Variants in UTRN observed in about 807,000 individuals in gnomAD.
UTRN encodes dystrophin-related protein 1.
A neutral mutation model predicts 463.9 loss-of-function variants in UTRN; 283 were observed. That is an observed-to-expected ratio of 0.61 (90% CI 0.55 to 0.67). The LOEUF (loss-of-function observed/expected upper bound fraction) is 0.67, where lower values mean the gene tolerates loss of function less well. UTRN is among the 30% of genes least tolerant of loss of function. UTRN has a pLI of 0.00. For synonymous variants in UTRN, 1,442 were observed against 1,431.5 expected, an observed-to-expected ratio of 1.01 and a Z score of -0.17; for missense variants, 3,922 against 4,084.3, an observed-to-expected ratio of 0.96 and a Z score of 1.08.
chr6:144,640,481 A>G (rs1777655741), intron 51 of UTRN, among the ~76,000 whole-genome samples: 1 of 152,184 alleles, frequency 6.6e-6, no homozygotes, highest in Non-Finnish European at 1.5e-5. Context: ...TTCAATTTAT[A>G]TATTTCTGTA....
intron 25 of UTRN, among the ~76,000 whole-genome samples, chr6:144,477,265 T>C (rs1022826816): frequency 1.3e-5 from 2 of 152,182 alleles, no homozygotes; most frequent in Non-Finnish European, 2.9e-5. Context: ...TAGAAGTCAA[T>C]ATGAAATATA....
chr6:144,768,948 G>GTTTTTTT (rs35525101), intron 58 of UTRN, among the ~76,000 whole-genome samples: 46 of 125,978 alleles, frequency 3.7e-4, no homozygotes, highest in Admixed American at 6.0e-4. Flanking sequence ...TTTGTTTTTT[G>GTTTTTTT]TTTTGTTTTG....
At chr6:144,319,770 A>G (rs1049837333) in intron 2 of UTRN, among the ~76,000 whole-genome samples, 4 of 151,436 alleles carry the variant, frequency 2.6e-5, no homozygotes, top group Non-Finnish European at 5.9e-5. Flanking sequence ...CTGGTCTCAA[A>G]CTCCTGAGCT....
At chr6:144,766,978 T>G (rs375729774) in intron 58 of UTRN, among the ~76,000 whole-genome samples, 1 of 151,986 alleles carries the variant, frequency 6.6e-6, no homozygotes, top group Non-Finnish European at 1.5e-5. Flanking sequence ...AGACTGGCAG[T>G]TGGAGGGAAG....
At chr6:144,563,228 G>T (rs1800092520) in intron 50 of UTRN, among the ~76,000 whole-genome samples, 1 of 152,016 alleles carries the variant, frequency 6.6e-6, no homozygotes, top group Non-Finnish European at 1.5e-5. Flanking sequence ...TCTGAAAACA[G>T]GTTAAGTTTC....
At chr6:144,690,990 A>T (rs1387601525) in intron 52 of UTRN, among the ~76,000 whole-genome samples, 1 of 152,214 alleles carries the variant, frequency 6.6e-6, no homozygotes, top group Non-Finnish European at 1.5e-5. Flanking sequence ...AGTTCACAGT[A>T]TGAATCTTTA....
intron 3 of UTRN, among the ~76,000 whole-genome samples, chr6:144,417,066 A>G (rs1194283439): frequency 2.0e-5 from 3 of 152,308 alleles, no homozygotes; most frequent in Non-Finnish European, 2.9e-5. Context: ...AGTGGATCCC[A>G]AGTTTACAGC....
chr6:144,661,250 G>A (rs1300314771), intron 51 of UTRN, among the ~76,000 whole-genome samples: 5 of 152,122 alleles, frequency 3.3e-5, no homozygotes, highest in African/African-American at 7.2e-5. Context: ...AATTGCCAGA[G>A]GGAAAAGATG....
intron 50 of UTRN, among the ~76,000 whole-genome samples, chr6:144,570,639 A>G (rs1470782487): frequency 6.6e-6 from 1 of 152,198 alleles, no homozygotes; most frequent in African/African-American, 2.4e-5. Flanking sequence ...TTTCTCACTG[A>G]TGATCAGTAG....
chr6:144,488,542 T>G, intron 29 of UTRN, 131 bp from the exon 30 acceptor site: 1 of 765,556 alleles, frequency 1.3e-6, no homozygotes, highest in Non-Finnish European at 1.9e-6. Context: ...TAGTAATTAT[T>G]ATTTATTTAT....
intron 2 of UTRN, among the ~76,000 whole-genome samples, chr6:144,308,414 C>T (rs57640093): frequency 2.6e-5 from 4 of 152,078 alleles, no homozygotes; most frequent in South Asian, 2.1e-4. Context: ...CTCCCACCCT[C>T]GGGTAGCTGG....
At chr6:144,732,194 T>C (rs2128714657) in intron 54 of UTRN, among the ~76,000 whole-genome samples, 1 of 145,782 alleles carries the variant, frequency 6.9e-6, no homozygotes, top group African/African-American at 2.5e-5. Flanking sequence ...TGAAGAATTA[T>C]TCCTTTTGAG....
intron 2 of UTRN, among the ~76,000 whole-genome samples, chr6:144,380,518 C>G (rs769920111): frequency 7.2e-5 from 11 of 152,106 alleles, no homozygotes; most frequent in Non-Finnish European, 1.5e-4. Flanking sequence ...ATAGTTGAAA[C>G]TCAATTGAGG....
rs186950992 is a variant in UTRN, at chr6:144,305,806, G to A, written c.79+13899G>A. On this transcript the variant is annotated intron_variant, in intron 2 of 74. Transcript: ENST00000367545. ...GGTGAAAATCTGGGCAAGGTAACTT[G>A]GCCAAGGGCAGTTCCTGGACGGATG... 3.9e-4 allele frequency among the ~76,000 whole-genome samples: 59 copies of A among 152,338 alleles called. 1 individual carries two copies. In the Middle Eastern group the frequency reaches 0.017, roughly 44 times the overall value.
chr6:144,722,966 T>C (rs1399959942), intron 53 of UTRN, among the ~76,000 whole-genome samples: 1 of 152,196 alleles, frequency 6.6e-6, no homozygotes, highest in Non-Finnish European at 1.5e-5. Flanking sequence ...TGTCATTGTT[T>C]TAAGCTATAA....
At chr6:144,374,418 G>A (rs1265723807) in intron 2 of UTRN, among the ~76,000 whole-genome samples, 1 of 151,926 alleles carries the variant, frequency 6.6e-6, no homozygotes, top group Non-Finnish European at 1.5e-5. Context: ...AAGGCGGGCG[G>A]ATAACTTGAG....
At chr6:144,680,311 T>C (rs907633287) in intron 52 of UTRN, among the ~76,000 whole-genome samples, 1 of 152,146 alleles carries the variant, frequency 6.6e-6, no homozygotes, top group African/African-American at 2.4e-5. Context: ...TTGGGAGTTA[T>C]TGCCTAAGCC....
chr6:144,784,828 T>A (rs1776164968), intron 61 of UTRN, among the ~76,000 whole-genome samples: 1 of 152,230 alleles, frequency 6.6e-6, no homozygotes, highest in South Asian at 2.1e-4. Flanking sequence ...ATCTTGAAAT[T>A]TCTCATTTTT....
intron 50 of UTRN, among the ~76,000 whole-genome samples, chr6:144,557,858 T>A: frequency 6.6e-6 from 1 of 152,198 alleles, no homozygotes; most frequent in East Asian, 1.9e-4. Context: ...AAATAGAATA[T>A]GTGTTTACAA....
Sources: gnomAD v4.1 joint callset for allele counts (sites outside exome capture counted in the v4.1 genomes callset) on GRCh38, gnomAD v4.1.1 for gene constraint, MANE v1.5 for transcripts, NCBI Gene and HGNC (gene_info 2026-07-23, HGNC 2026-07-21) for gene names.